The following ADGRL3 variants were observed in gnomAD, a reference collection of about 807,000 sequenced individuals.
The protein encoded by ADGRL3 is adhesion G protein-coupled receptor L3, also known as calcium-independent alpha-latrotoxin receptor 3.
In ADGRL3, 62 loss-of-function variants were observed where a neutral mutation model predicts 153.5. That is an observed-to-expected ratio of 0.40 (90% CI 0.33 to 0.50). The LOEUF (loss-of-function observed/expected upper bound fraction) is 0.50. Ranked by LOEUF, ADGRL3 falls within the 20% of genes least tolerant of loss-of-function variation. The probability of loss-of-function intolerance (pLI) is 0.47; values close to 1 mark genes in which losing one functional copy is unlikely to be tolerated. For synonymous variants in ADGRL3, 710 were observed against 672.5 expected (o/e 1.06, Z -0.86); for missense variants, 1,641 against 1,859.4 (o/e 0.88, Z 2.16).
chr4:61,796,110 G>A (rs557191898), intron 8 of ADGRL3, among the ~76,000 whole-genome samples: 1 of 152,164 alleles, frequency 6.6e-6, no homozygotes, highest in South Asian at 2.1e-4. Context: ...CAAAGTGCTG[G>A]GATTATAAGC....
intron 8 of ADGRL3, among the ~76,000 whole-genome samples, chr4:61,775,063 G>A (rs1480111601): frequency 6.6e-6 from 1 of 152,168 alleles, no homozygotes; most frequent in Non-Finnish European, 1.5e-5. Flanking sequence ...CTTAGAGCTT[G>A]CCTTGTATCT....
intron 11 of ADGRL3, chr4:61,906,447 C>T (rs902512604): frequency 2.6e-5 from 4 of 152,098 alleles, no homozygotes; most frequent in African/African-American, 9.7e-5. Context: ...GGGTATGAAT[C>T]TGCCTGCAGA....
At chr4:61,476,089 G>T (rs2098045127) in intron 2 of ADGRL3, among the ~76,000 whole-genome samples, 1 of 152,032 alleles carries the variant, frequency 6.6e-6, no homozygotes. Context: ...ATATTCTGTT[G>T]CACAACAGCC....
intron 5 of ADGRL3, among the ~76,000 whole-genome samples, chr4:61,602,057 GT>G (rs1304625860): frequency 6.6e-6 from 1 of 150,458 alleles, no homozygotes; most frequent in Non-Finnish European, 1.5e-5. Flanking sequence ...ATAATAACTA[GT>G]AAAATAAGTA....
chr4:62,047,210 C>A (rs1731599733), intron 25 of ADGRL3, among the ~76,000 whole-genome samples: 1 of 151,606 alleles, frequency 6.6e-6, no homozygotes, highest in African/African-American at 2.4e-5. Flanking sequence ...TGTATTGAAT[C>A]TCTTATTTTT....
At chr4:61,805,550 A>AT (rs1028990014) in intron 8 of ADGRL3, among the ~76,000 whole-genome samples, 3 of 151,948 alleles carry the variant, frequency 2.0e-5, no homozygotes, top group Non-Finnish European at 4.4e-5. Flanking sequence ...TTCTAATATT[A>AT]TTTTTCCAGC....
intron 25 of ADGRL3, among the ~76,000 whole-genome samples, chr4:62,065,672 C>A (rs1460404493): frequency 6.6e-6 from 1 of 151,870 alleles, no homozygotes; most frequent in Non-Finnish European, 1.5e-5. Context: ...AGCTTTTTTG[C>A]TAATTCAGAT....
intron 8 of ADGRL3, among the ~76,000 whole-genome samples, chr4:61,767,548 G>T (rs192750323): frequency 0.012 from 1,762 of 152,244 alleles, 31 homozygotes; most frequent in South Asian, 0.037. Context: ...GAGGCAATCG[G>T]GCAGTGTCAG....
In ADGRL3 at chr4:61,983,370, T is replaced by C. The variant is rs769079957; in HGVS notation, c.3016-13T>C. 1 of 1,608,196 alleles carries C rather than the reference T, an allele frequency of 6.2e-7. No homozygotes were observed. Among genetic ancestry groups the C allele is most frequent in the Non-Finnish European group, 8.5e-7 (1 of 1,175,334 alleles). On this transcript the variant is annotated splice_polypyrimidine_tract_variant and intron_variant, in intron 18 of 26. Transcript: ENST00000683033. ...GGTAGAGATTTGACTAAATCATTTG[T>C]TCCTTTTCCTAGATTGCCTGTGCTG...
chr4:61,719,539 T>C (rs139736759), intron 6 of ADGRL3, among the ~76,000 whole-genome samples: 1 of 152,250 alleles, frequency 6.6e-6, no homozygotes, highest in East Asian at 1.9e-4. Context: ...CAGTTTTATG[T>C]GTACCACTTT....
At chr4:61,367,459 T>G (rs1171714981) in intron 1 of ADGRL3, among the ~76,000 whole-genome samples, 1 of 150,964 alleles carries the variant, frequency 6.6e-6, no homozygotes. Flanking sequence ...CATTGTTCAA[T>G]TCCCACCTAT....
chr4:62,044,441 TC>T lies in ADGRL3; in HGVS notation c.3718-7del. 1.9e-6 allele frequency: 3 copies of T among 1,565,956 alleles called. No individual in the cohort carries two copies. The highest frequency in any genetic ancestry group is 2.3e-5 in the East Asian group (1 of 42,824). On this transcript the variant is annotated splice_polypyrimidine_tract_variant and intron_variant, in intron 24 of 26. Coordinates refer to ENST00000683033, the MANE Select transcript of ADGRL3 (RefSeq NM_001387552.1). ...ATGAGTTCATTTTCTTTCTGCCTTT[TC>T]CCCCACCCAGAGCCGAATCCGTAGA...
intron 2 of ADGRL3, among the ~76,000 whole-genome samples, chr4:61,425,851 A>G (rs2097272625): frequency 6.6e-6 from 1 of 152,264 alleles, no homozygotes; most frequent in Admixed American, 6.5e-5. Flanking sequence ...AACCATCTGC[A>G]ATGGGCCTTC....
chr4:62,062,460 A>G (rs1365494621), intron 25 of ADGRL3, among the ~76,000 whole-genome samples: 3 of 152,080 alleles, frequency 2.0e-5, no homozygotes, highest in Non-Finnish European at 2.9e-5. Flanking sequence ...AAATGAACAT[A>G]TACCTGTCAG....
At chr4:61,734,190 A>T (rs931350142) in intron 8 of ADGRL3, among the ~76,000 whole-genome samples, 1 of 152,164 alleles carries the variant, frequency 6.6e-6, no homozygotes, top group African/African-American at 2.4e-5. Flanking sequence ...CCCCTTTTCC[A>T]TTGAAAACAT....
chr4:61,830,196 C>G (rs1210034784), intron 9 of ADGRL3, among the ~76,000 whole-genome samples: 1 of 151,766 alleles, frequency 6.6e-6, no homozygotes, highest in Non-Finnish European at 1.5e-5. Context: ...TTTGTAGAGG[C>G]AGGGTTTTGC....
At chr4:61,641,554 G>A in intron 5 of ADGRL3, among the ~76,000 whole-genome samples, 1 of 150,958 alleles carries the variant, frequency 6.6e-6, no homozygotes, top group Non-Finnish European at 1.5e-5. Flanking sequence ...TTTTGTTCTT[G>A]CGATAGTTTA....
At chr4:61,845,007 G>A (rs2098097663) in intron 9 of ADGRL3, among the ~76,000 whole-genome samples, 1 of 152,092 alleles carries the variant, frequency 6.6e-6, no homozygotes, top group African/African-American at 2.4e-5. Flanking sequence ...AAGAGAAAGT[G>A]GGAAAGATGG....
At chr4:61,533,375 A>G (rs956239876) in intron 4 of ADGRL3, among the ~76,000 whole-genome samples, 1 of 152,172 alleles carries the variant, frequency 6.6e-6, no homozygotes, top group Non-Finnish European at 1.5e-5. Context: ...TGTGTGTATG[A>G]GTCCTCATTT....
Sources: gnomAD v4.1 joint callset for allele counts (sites outside exome capture counted in the v4.1 genomes callset) on GRCh38, gnomAD v4.1.1 for gene constraint, MANE v1.5 for transcripts, NCBI Gene and HGNC (gene_info 2026-07-23, HGNC 2026-07-21) for gene names.